Variants in FOXN3 observed in about 807,000 individuals in gnomAD.
FOXN3 encodes forkhead box protein N3.
A neutral mutation model predicts 38.4 loss-of-function variants in FOXN3; 7 were observed. The ratio of observed to expected loss-of-function variants is 0.18; its 90% CI spans 0.10 to 0.34. The LOEUF (loss-of-function observed/expected upper bound fraction) is 0.34, where lower values mean the gene tolerates loss of function less well. Among genes scored for constraint, FOXN3 ranks in the 10% least tolerant of loss-of-function variants. The pLI is 1.00. For synonymous variants in FOXN3, 230 were observed against 242.2 expected (o/e 0.95, Z 0.47); for missense variants, 456 against 613.4 (o/e 0.74, Z 2.71).
intron 1 of FOXN3, among the ~76,000 whole-genome samples, chr14:89,541,752 C>T (rs1265959530): frequency 6.6e-6 from 1 of 152,098 alleles, no homozygotes; most frequent in Non-Finnish European, 1.5e-5. Context: ...GATCAGGACC[C>T]CTTTCCCGTA....
intron 3 of FOXN3, among the ~76,000 whole-genome samples, chr14:89,281,564 GCACT>G (rs534134066): frequency 2.3e-3 from 345 of 152,144 alleles, no homozygotes; most frequent in African/African-American, 7.9e-3. Flanking sequence ...TTAAAATGTT[GCACT>G]CCATACCCTA....
At chr14:89,168,839 A>G (rs536372276) in intron 5 of FOXN3, among the ~76,000 whole-genome samples, 52 of 152,328 alleles carry the variant, frequency 3.4e-4, no homozygotes, top group African/African-American at 1.2e-3. Context: ...GCAGACACAA[A>G]AAAGACAAAA....
chr14:89,524,223 A>C (rs1431265224), intron 1 of FOXN3, among the ~76,000 whole-genome samples: 2 of 147,986 alleles, frequency 1.4e-5, no homozygotes. Flanking sequence ...AAATACAAAA[A>C]ATTAGCCAAG....
chr14:89,464,260 A>G (rs1892923481), intron 1 of FOXN3, among the ~76,000 whole-genome samples: 1 of 152,054 alleles, frequency 6.6e-6, no homozygotes, highest in African/African-American at 2.4e-5. Flanking sequence ...GACCTGCCCC[A>G]TTTCCTAGAC....
intron 1 of FOXN3, among the ~76,000 whole-genome samples, chr14:89,583,099 G>A (rs1052182564): frequency 8.5e-5 from 13 of 152,166 alleles, no homozygotes; most frequent in South Asian, 2.1e-4. Context: ...GTGAATGTAC[G>A]CTTTCATTTC....
At position 89,158,439 on chromosome 14, in the gene FOXN3, T is replaced by G. The variant is rs1214064944; in HGVS notation, c.*3975A>C. ...TTCTTGGGAATCGGCCTCTGGCACA[T>G]TCCTTCTTAAAAACTCCCAAGATTG... On this transcript the variant is annotated 3_prime_UTR_variant, in exon 6 of 6. Coordinates refer to ENST00000557258, the MANE Select transcript of FOXN3 (RefSeq NM_005197.4). The G allele has an allele frequency of 6.6e-6, 1 of 152,654 alleles. No individual in the cohort carries two copies. The highest frequency in any genetic ancestry group is 2.4e-5 in the African/African-American group (1 of 41,454). The allele number at this position is 152,654 out of a possible 1,614,324, so 9.5% of individuals were successfully genotyped here. A position where few individuals can be genotyped will look rare whatever the true frequency, so the allele number is the denominator to read the frequency against.
chr14:89,276,572 G>C (rs893667566), intron 4 of FOXN3, among the ~76,000 whole-genome samples: 1 of 152,200 alleles, frequency 6.6e-6, no homozygotes, highest in African/African-American at 2.4e-5. Context: ...GCTAGGACTC[G>C]TGGTCTGACC....
chr14:89,311,791 A>C (rs1887557583), intron 3 of FOXN3, among the ~76,000 whole-genome samples: 1 of 152,220 alleles, frequency 6.6e-6, no homozygotes, highest in Non-Finnish European at 1.5e-5. Flanking sequence ...ACGCCACTGC[A>C]CTCCAGCCTG....
At chr14:89,443,226 C>T (rs1436223794) in intron 1 of FOXN3, among the ~76,000 whole-genome samples, 1 of 152,174 alleles carries the variant, frequency 6.6e-6, no homozygotes, top group Admixed American at 6.5e-5. Flanking sequence ...TTTAAACGTG[C>T]AACAGGGAAA....
At chr14:89,454,004 T>TAAG (rs79564409) in intron 1 of FOXN3, among the ~76,000 whole-genome samples, 19 of 151,564 alleles carry the variant, frequency 1.3e-4, no homozygotes, top group South Asian at 4.2e-4. Context: ...AATGCCCTCT[T>TAAG]AAGAAGAAGA....
intron 2 of FOXN3, among the ~76,000 whole-genome samples, chr14:89,371,980 T>A (rs1163132144): frequency 6.6e-6 from 1 of 152,070 alleles, no homozygotes; most frequent in East Asian, 1.9e-4. Context: ...ACCCCCGGCT[T>A]TGCTAGTTTC....
intron 4 of FOXN3, among the ~76,000 whole-genome samples, chr14:89,188,292 C>A (rs1008053413): frequency 6.6e-6 from 1 of 152,204 alleles, no homozygotes; most frequent in African/African-American, 2.4e-5. Flanking sequence ...GAGGCGAACA[C>A]TGAAAACAAC....
intron 1 of FOXN3, among the ~76,000 whole-genome samples, chr14:89,546,198 A>C (rs1023107668): frequency 1.3e-5 from 2 of 152,060 alleles, no homozygotes; most frequent in Admixed American, 6.6e-5. Context: ...TTTGTATGGG[A>C]GTGCTTTTTG....
At chr14:89,483,375 G>A (rs899760376) in intron 1 of FOXN3, among the ~76,000 whole-genome samples, 4 of 152,130 alleles carry the variant, frequency 2.6e-5, no homozygotes, top group Non-Finnish European at 2.9e-5. Flanking sequence ...GGGCAAATGA[G>A]ACATAAGCTT....
At chr14:89,355,189 G>A (rs1343643969) in intron 2 of FOXN3, 7 of 145,108 alleles carry the variant, frequency 4.8e-5, no homozygotes, top group Middle Eastern at 3.5e-3. Flanking sequence ...GGAAGAAATG[G>A]TTAGCAAAAA....
intron 4 of FOXN3, among the ~76,000 whole-genome samples, chr14:89,253,354 GC>G (rs1885519770): frequency 6.6e-6 from 1 of 152,160 alleles, no homozygotes; most frequent in Non-Finnish European, 1.5e-5. Context: ...GCTGCCCAGG[GC>G]CAGCACGTCT....
intron 1 of FOXN3, among the ~76,000 whole-genome samples, chr14:89,437,048 G>A (rs1272563943): frequency 6.6e-6 from 1 of 152,082 alleles, no homozygotes; most frequent in East Asian, 1.9e-4. Flanking sequence ...TCAGGAGGCT[G>A]AGACAGGAGA....
At chr14:89,297,290 C>T (rs879424951) in intron 3 of FOXN3, among the ~76,000 whole-genome samples, 2 of 151,918 alleles carry the variant, frequency 1.3e-5, no homozygotes, top group African/African-American at 2.4e-5. Flanking sequence ...GGGCCGGGCG[C>T]GGTGGCTCAG....
chr14:89,260,903 G>A (rs890266201), intron 4 of FOXN3, among the ~76,000 whole-genome samples: 10 of 151,948 alleles, frequency 6.6e-5, no homozygotes, highest in Admixed American at 6.6e-4. Context: ...TTTTATTATG[G>A]CAAGTATAAA....
Sources: allele counts gnomAD v4.1 joint callset (sites outside exome capture counted in the v4.1 genomes callset), GRCh38; gene constraint gnomAD v4.1.1; transcripts MANE v1.5; gene names NCBI Gene and HGNC (gene_info 2026-07-23, HGNC 2026-07-21).